The following THSD7B variants were observed in gnomAD, a reference collection of about 807,000 sequenced individuals.
THSD7B encodes the protein thrombospondin type 1 domain containing 7B, also known as thrombospondin type-1 domain-containing protein 7B.
In THSD7B, 138 loss-of-function variants were observed where a neutral mutation model predicts 213.6. The observed-to-expected ratio is 0.65, with a 90% CI of 0.56 to 0.74. The LOEUF (loss-of-function observed/expected upper bound fraction) is 0.74. Ranked by LOEUF, THSD7B falls within the 30% of genes least tolerant of loss-of-function variation. The pLI, the probability that THSD7B is intolerant of heterozygous loss-of-function variation, is 0.00. For missense variants in THSD7B, 1,931 were observed against 1,991.5 expected (o/e 0.97, Z 0.58); for synonymous variants, 742 against 687.0 (o/e 1.08, Z -1.25).
In THSD7B at chr2:136,806,403, T is replaced by G. The variant is rs1295816681; in HGVS notation, c.-36+40716T>G. Among the ~76,000 whole-genome samples the G allele has an allele frequency of 2.6e-5, 4 of 152,224 alleles. No individual in the cohort carries two copies. The East Asian group carries it at 7.7e-4, about 29-fold the overall frequency. On this transcript the variant is annotated intron_variant, in intron 1 of 27. Coordinates refer to ENST00000409968, the MANE Select transcript of THSD7B (RefSeq NM_001316349.2). ...AAACACTCAGCTCCTCAGGCTGTTCTGAGAGTAAGTATGATAATCCATGAA... is the reference window on the plus strand; with the variant it reads ...AAACACTCAGCTCCTCAGGCTGTTCGGAGAGTAAGTATGATAATCCATGAA...
chr2:137,300,849 T>C (rs771294793), intron 12 of THSD7B, among the ~76,000 whole-genome samples: 4 of 152,054 alleles, frequency 2.6e-5, no homozygotes, highest in Non-Finnish European at 5.9e-5. Flanking sequence ...AAAGAACTCG[T>C]GTAGTGACTG....
intron 6 of THSD7B, among the ~76,000 whole-genome samples, chr2:137,170,104 A>T (rs147734231): frequency 6.6e-6 from 1 of 152,118 alleles, no homozygotes; most frequent in Non-Finnish European, 1.5e-5. Flanking sequence ...AAATACATCT[A>T]TGTTCTTATT....
chr2:136,777,265 T>A (rs1681628939), intron 1 of THSD7B, among the ~76,000 whole-genome samples: 1 of 152,170 alleles, frequency 6.6e-6, no homozygotes, highest in African/African-American at 2.4e-5. Flanking sequence ...CTGTCAGAAG[T>A]TCATGTATAG....
intron 15 of THSD7B, among the ~76,000 whole-genome samples, chr2:137,510,512 A>G (rs893300097): frequency 6.6e-6 from 1 of 151,900 alleles, no homozygotes; most frequent in Non-Finnish European, 1.5e-5. Flanking sequence ...GGAAATACAT[A>G]TGTGTGTGTA....
chr2:137,623,204 A>T (rs1486698918), intron 20 of THSD7B, among the ~76,000 whole-genome samples: 1 of 152,228 alleles, frequency 6.6e-6, no homozygotes, highest in Non-Finnish European at 1.5e-5. Context: ...AATTCATCAT[A>T]TAAATAGAAC....
chr2:137,663,475 TA>T lies in THSD7B; in HGVS notation c.4557del (p.Ala1520LeufsTer3). ...YCMKVPGSED[K>X]KADVKNLSGK... The stretch of plus-strand genomic sequence containing the variant: ...GCATGAAAGTACCAGGCTCAGAGGA[TA>T]AAAAAGCTGATGTGAAAAACCTTTC... On this transcript the variant is annotated frameshift_variant, in exon 26 of 28. Transcript: ENST00000409968. LOFTEE classifies it high-confidence loss of function. The T allele has an allele frequency of 6.2e-7, 1 of 1,601,606 alleles. No homozygotes were observed. Among genetic ancestry groups the T allele is most frequent in the Admixed American group, 1.7e-5 (1 of 58,350 alleles).
intron 12 of THSD7B, among the ~76,000 whole-genome samples, chr2:137,296,540 C>G (rs897201429): frequency 6.6e-6 from 1 of 152,020 alleles, no homozygotes; most frequent in Non-Finnish European, 1.5e-5. Flanking sequence ...AATGTACTTA[C>G]CATGGACTAT....
At chr2:137,217,124 A>G (rs1353894975) in intron 7 of THSD7B, among the ~76,000 whole-genome samples, 2 of 152,126 alleles carry the variant, frequency 1.3e-5, no homozygotes. Context: ...ATATTACCTC[A>G]AGCAAAAGCT....
chr2:137,427,979 A>T (rs921839551), intron 14 of THSD7B, among the ~76,000 whole-genome samples: 1 of 152,178 alleles, frequency 6.6e-6, no homozygotes, highest in African/African-American at 2.4e-5. Flanking sequence ...TGTCAATTAT[A>T]TCAGAATAAA....
At chr2:137,583,183 G>A (rs1681623294) in intron 17 of THSD7B, among the ~76,000 whole-genome samples, 1 of 151,926 alleles carries the variant, frequency 6.6e-6, no homozygotes, top group South Asian at 2.1e-4. Context: ...CTTTTTGATG[G>A]GCTTGTTTTT....
intron 12 of THSD7B, among the ~76,000 whole-genome samples, chr2:137,366,121 C>T (rs1685400841): frequency 6.6e-6 from 1 of 152,144 alleles, no homozygotes; most frequent in Non-Finnish European, 1.5e-5. Context: ...AACCATCATT[C>T]TGAGCAAACT....
intron 9 of THSD7B, among the ~76,000 whole-genome samples, chr2:137,237,580 A>G (rs1206137459): frequency 2.0e-5 from 3 of 152,234 alleles, no homozygotes; most frequent in Non-Finnish European, 2.9e-5. Flanking sequence ...ATGTGCGTGT[A>G]TGTGCACACA....
At chr2:137,541,775 A>G (rs1024005866) in intron 15 of THSD7B, among the ~76,000 whole-genome samples, 2 of 151,750 alleles carry the variant, frequency 1.3e-5, no homozygotes, top group African/African-American at 4.8e-5. Context: ...TAGAAATTAT[A>G]AGAATTACAT....
intron 19 of THSD7B, among the ~76,000 whole-genome samples, chr2:137,619,161 C>A (rs967820234): frequency 6.6e-6 from 1 of 152,098 alleles, no homozygotes; most frequent in African/African-American, 2.4e-5. Flanking sequence ...ACTATGGGGG[C>A]AGTTTAGTAG....
At chr2:137,512,340 A>C (rs1679978645) in intron 15 of THSD7B, 1 of 144,676 alleles carries the variant, frequency 6.9e-6, no homozygotes, top group Admixed American at 6.9e-5. Context: ...AATATATGTA[A>C]GTTTTGTTTG....
chr2:137,509,373 T>G (rs971092235), intron 15 of THSD7B, among the ~76,000 whole-genome samples: 13 of 151,786 alleles, frequency 8.6e-5, no homozygotes, highest in African/African-American at 3.1e-4. Flanking sequence ...CTCCCTTCCT[T>G]TCTTCCTTTA....
intron 2 of THSD7B, among the ~76,000 whole-genome samples, chr2:137,022,141 A>G (rs763114173): frequency 4.6e-5 from 7 of 152,230 alleles, no homozygotes; most frequent in Non-Finnish European, 8.8e-5. Context: ...GAATAAAACT[A>G]TAGTGAACAT....
Position 137,570,834 on chromosome 2 carries a change from T to A in THSD7B, c.3273-1572T>A, listed in dbSNP as rs1357027003. On this transcript the variant is annotated intron_variant, in intron 16 of 27. Coordinates refer to ENST00000409968, the MANE Select transcript of THSD7B (RefSeq NM_001316349.2). The stretch of plus-strand genomic sequence containing the variant: ...CCCCAACACCCAGGCGAGGACTTAG[T>A]ATGTAGCAAGCTATCAAAAATATTG... Among the ~76,000 whole-genome samples the A allele has an allele frequency of 2.0e-5, 3 of 152,214 alleles. No homozygotes were observed. The East Asian group carries it at 5.8e-4, about 29-fold the overall frequency.
Position 137,676,673 on chromosome 2 carries a change from TTC to T in THSD7B, c.*71_*72del. 1 of 1,388,812 alleles carries T rather than the reference TTC, an allele frequency of 7.2e-7. No homozygotes were observed. Among genetic ancestry groups the T allele is most frequent in the Middle Eastern group, 1.8e-4 (1 of 5,474 alleles). 86.0% of individuals were successfully genotyped at this position (1,388,812 alleles called of 1,614,324 possible). A position where few individuals can be genotyped will look rare whatever the true frequency, so the allele number is the denominator to read the frequency against. On this transcript the variant is annotated 3_prime_UTR_variant, in exon 28 of 28. Transcript: ENST00000409968. ...GCTTTCTCTTTTGTAGCTCTCAGAC[TTC>T]TCAGTTTTTTGAGGAATCTCAAGAT... is the stretch of plus-strand genomic sequence containing the variant.
Sources: gnomAD v4.1 joint callset for allele counts (sites outside exome capture counted in the v4.1 genomes callset) on GRCh38, gnomAD v4.1.1 for gene constraint, MANE v1.5 for transcripts, NCBI Gene and HGNC (gene_info 2026-07-23, HGNC 2026-07-21) for gene names.